The following FOXL2NB variants were observed in gnomAD, a reference collection of about 807,000 sequenced individuals.
FOXL2NB encodes FOXL2 neighbor protein.
FOXL2NB carries 10 observed loss-of-function variants against 7.4 expected under a neutral mutation model. That is an observed-to-expected ratio of 1.34 (90% CI 0.83 to 2.28). The LOEUF (loss-of-function observed/expected upper bound fraction) is 2.28, where lower values mean the gene tolerates loss of function less well. FOXL2NB is among the 30% of genes most tolerant of loss of function. The probability of loss-of-function intolerance (pLI) is 0.00; values close to 1 mark genes in which losing one functional copy is unlikely to be tolerated. For missense variants in FOXL2NB, 228 were observed against 233.9 expected, an observed-to-expected ratio of 0.97 and a Z score of 0.17; for synonymous variants, 104 against 105.3, an observed-to-expected ratio of 0.99 and a Z score of 0.08.
Position 138,952,512 on chromosome 3 carries a change from C to CTTT in FOXL2NB, c.*1951_*1953dup, listed in dbSNP as rs570190507. ...GTGTGCACTATAACTTTATGAAACACTTTTTTTTTTTTTGAGACAGGGTCT... is the reference window on the plus strand; with the variant it reads ...GTGTGCACTATAACTTTATGAAACACTTTTTTTTTTTTTTTTGAGACAGGGTCT... On this transcript the variant is annotated 3_prime_UTR_variant, in exon 3 of 3. Coordinates refer to ENST00000383165, the MANE Select transcript of FOXL2NB (RefSeq NM_001040061.3). The CTTT allele has an allele frequency of 0.11, 16,011 of 142,074 alleles. 2,190 individuals are homozygous for CTTT. Among genetic ancestry groups the CTTT allele is most frequent in the African/African-American group, 0.33 (12,587 of 37,904 alleles). 8.8% of individuals were successfully genotyped at this position (142,074 alleles called of 1,614,324 possible).
rs61408596 is a variant in FOXL2NB at position 138,949,850 on chromosome 3, T to C, written c.220+211T>C. 82,645 of 736,008 alleles carry C rather than the reference T, an allele frequency of 0.11. 12,285 individuals carry two copies. The highest frequency in any genetic ancestry group is 0.5 in the African/African-American group (28,616 of 57,652). 45.6% of individuals were successfully genotyped at this position (736,008 alleles called of 1,614,324 possible). On this transcript the variant is annotated intron_variant, in intron 2 of 2. Coordinates refer to ENST00000383165, the MANE Select transcript of FOXL2NB (RefSeq NM_001040061.3). This position sits in a 1 kb window ranked among gnomAD's most constrained non-coding sequence, Gnocchi z 4.5. ...TGATTTACTTCTCAACCTTCGGAGG[T>C]AGGCTGGTTGCTGGCGAGGTCGGGA...
Position 138,947,482 on chromosome 3 carries a change from C to A in FOXL2NB, c.100+18C>A, listed in dbSNP as rs1467993305. Reference sequence around the variant, plus strand: ...GCTTTCAGGTGAAAGAAAACGACTCCTTTGCTCTGCCGTTTGCTGCCGTCT... The same window carrying A: ...GCTTTCAGGTGAAAGAAAACGACTCATTTGCTCTGCCGTTTGCTGCCGTCT... On this transcript the variant is annotated intron_variant, in intron 1 of 2. Coordinates refer to ENST00000383165, the MANE Select transcript of FOXL2NB (RefSeq NM_001040061.3). The surrounding 1 kb of genome is among the most constrained non-coding windows in gnomAD (Gnocchi z 5.2). The A allele has an allele frequency of 6.5e-6, 10 of 1,531,022 alleles. No individual in the cohort carries two copies. The highest frequency in any genetic ancestry group is 4.2e-5 in the African/African-American group (3 of 72,182). The allele number at this position is 1,531,022 out of a possible 1,614,324, so 94.8% of individuals were successfully genotyped here.
Position 138,949,763 on chromosome 3 carries a change from TC to T in FOXL2NB, c.220+126del. 1 of 1,429,582 alleles carries T rather than the reference TC, an allele frequency of 7.0e-7. No individual in the cohort carries two copies. The allele number at this position is 1,429,582 out of a possible 1,614,324, so 88.6% of individuals were successfully genotyped here. Reference sequence around the variant, plus strand: ...AATCTAGGGAGAGAACAGAATCCTCTCCTTGCCGGCCCAGCCAGAGGTGGGT... The same window carrying T: ...AATCTAGGGAGAGAACAGAATCCTCTCTTGCCGGCCCAGCCAGAGGTGGGT... On this transcript the variant is annotated intron_variant, in intron 2 of 2. Transcript: ENST00000383165. This position sits in a 1 kb window ranked among gnomAD's most constrained non-coding sequence, Gnocchi z 4.5.
Position 138,950,438 on chromosome 3 carries a change from C to T in FOXL2NB, c.394C>T (p.Leu132=). The T allele has an allele frequency of 6.2e-7, 1 of 1,614,062 alleles. No individual in the cohort carries two copies. Among genetic ancestry groups the T allele is most frequent in the Non-Finnish European group, 8.5e-7 (1 of 1,180,038 alleles). Reference sequence around the variant, plus strand: ...GAACCAGGTTCCGCTGTCCCCTTTCCTAGCGGGACCCCGAAACACCCGGCG... The same window carrying T: ...GAACCAGGTTCCGCTGTCCCCTTTCTTAGCGGGACCCCGAAACACCCGGCG... ...CLNQVPLSPF[L]AGPRNTRRLP... is the part of the protein sequence containing the mutation. The change falls in exon 3 of 3, where the codon CTA becomes TTA. Residue 132 remains leucine, a synonymous_variant. Coordinates refer to ENST00000383165, the MANE Select transcript of FOXL2NB (RefSeq NM_001040061.3).
rs1009178653 is a variant in FOXL2NB at position 138,947,801 on chromosome 3, C to A, written c.100+337C>A. The A allele has an allele frequency of 6.5e-6, 7 of 1,078,206 alleles. No individual in the cohort carries two copies. In the East Asian group the frequency reaches 5.5e-4, roughly 84 times the overall value. The allele number at this position is 1,078,206 out of a possible 1,614,324, so 66.8% of individuals were successfully genotyped here. On this transcript the variant is annotated intron_variant, in intron 1 of 2. Transcript: ENST00000383165. The surrounding 1 kb of genome is among the most constrained non-coding windows in gnomAD (Gnocchi z 5.2). ...ACCAGGAATCCGTGTACTAATCCTA[C>A]GGGGTTGGAGTGAAGGTTGGATGTG...
chr3:138,951,994 G>C lies in FOXL2NB; in HGVS notation c.*1422G>C, dbSNP rs920712132. 6.6e-6 allele frequency: 1 copy of C among 152,232 alleles called. No individual in the cohort carries two copies. 9.4% of individuals were successfully genotyped at this position (152,232 alleles called of 1,614,324 possible). A position where few individuals can be genotyped will look rare whatever the true frequency, so the allele number is the denominator to read the frequency against. On this transcript the variant is annotated 3_prime_UTR_variant, in exon 3 of 3. Coordinates refer to ENST00000383165, the MANE Select transcript of FOXL2NB (RefSeq NM_001040061.3). ...AAAGGGACTGTAGCTGAGGAAAAGC[G>C]GTTTGATCATTGACAGCCAGCTCAG... is the stretch of plus-strand genomic sequence containing the variant.
rs1437908305 is a variant in FOXL2NB at position 138,947,362 on chromosome 3, G to C, written c.-3G>C. On this transcript the variant is annotated 5_prime_UTR_variant, in exon 1 of 3. Coordinates refer to ENST00000383165, the MANE Select transcript of FOXL2NB (RefSeq NM_001040061.3). This position sits in a 1 kb window ranked among gnomAD's most constrained non-coding sequence, Gnocchi z 5.2. Reference sequence around the variant, plus strand: ...GTACTCGCTCTGCGGGCTGGGCTGGGAGATGACGAGGACCCCGGTGGGGTC... The same window carrying C: ...GTACTCGCTCTGCGGGCTGGGCTGGCAGATGACGAGGACCCCGGTGGGGTC... 2 of 1,547,202 alleles carry C rather than the reference G, an allele frequency of 1.3e-6. No homozygotes were observed. The highest frequency in any genetic ancestry group is 3.9e-5 in the Admixed American group (2 of 50,786).
chr3:138,950,236 G>T (rs376740370), intron 2 of FOXL2NB, 29 bp from the exon 3 acceptor site: 2 of 1,607,716 alleles, frequency 1.2e-6, no homozygotes, highest in African/African-American at 1.3e-5. Flanking sequence ...CAATCTACAC[G>T]GCTCTGATAC....
chr3:138,953,142 T>C lies in FOXL2NB; in HGVS notation c.*2570T>C, dbSNP rs1936164007. The C allele has an allele frequency of 6.6e-6, 1 of 152,312 alleles. No individual in the cohort carries two copies. Among genetic ancestry groups the C allele is most frequent in the South Asian group, 2.1e-4 (1 of 4,820 alleles). The allele number at this position is 152,312 out of a possible 1,614,324, so 9.4% of individuals were successfully genotyped here. A position where few individuals can be genotyped will look rare whatever the true frequency, so the allele number is the denominator to read the frequency against. On this transcript the variant is annotated 3_prime_UTR_variant, in exon 3 of 3. Transcript: ENST00000383165. ...GATTCTCCTGCCTGAACCTCCTGTGTAGCTGGGACTACAGGCATGCACCAC... is the reference window on the plus strand; with the variant it reads ...GATTCTCCTGCCTGAACCTCCTGTGCAGCTGGGACTACAGGCATGCACCAC...
Position 138,947,285 on chromosome 3 carries a change from A to G in FOXL2NB, c.-80A>G, listed in dbSNP as rs1287571286. The G allele has an allele frequency of 8.7e-7, 1 of 1,146,416 alleles. No homozygotes were observed. The highest frequency in any genetic ancestry group is 1.6e-5 in the African/African-American group (1 of 63,306). The allele number at this position is 1,146,416 out of a possible 1,614,324, so 71.0% of individuals were successfully genotyped here. A position where few individuals can be genotyped will look rare whatever the true frequency, so the allele number is the denominator to read the frequency against. On this transcript the variant is annotated 5_prime_UTR_variant, in exon 1 of 3. Coordinates refer to ENST00000383165, the MANE Select transcript of FOXL2NB (RefSeq NM_001040061.3). This position sits in a 1 kb window ranked among gnomAD's most constrained non-coding sequence, Gnocchi z 5.2. ...TGGACCGGCCTGCCCCCGCCCAGCGAGCCTCAGGGGCCCAGCCGACAGCCA... is the reference window on the plus strand; with the variant it reads ...TGGACCGGCCTGCCCCCGCCCAGCGGGCCTCAGGGGCCCAGCCGACAGCCA...
chr3:138,950,273 A>T lies in FOXL2NB; in HGVS notation c.229A>T (p.Ile77Phe). 1.2e-6 allele frequency: 2 copies of T among 1,603,766 alleles called. No individual in the cohort carries two copies. The highest frequency in any genetic ancestry group is 1.7e-6 in the Non-Finnish European group (2 of 1,177,134). The part of the protein sequence containing the change: ...HSKAQKTGPG[I>F]LQQRQKPPAP... The stretch of plus-strand genomic sequence containing the variant: ...GACGCTTTTCTCCCCAGGGCCGGGA[A>T]TCCTGCAACAGCGGCAGAAGCCGCC... Residue 77 changes from isoleucine to phenylalanine, a missense_variant, in exon 3 of 3, where the codon ATC becomes TTC. By Grantham distance (21) the Ile-to-Phe change is conservative. Transcript: ENST00000383165.
In FOXL2NB at chr3:138,952,054, A is replaced by G. The variant is rs1258668731; in HGVS notation, c.*1482A>G. On this transcript the variant is annotated 3_prime_UTR_variant, in exon 3 of 3. Coordinates refer to ENST00000383165, the MANE Select transcript of FOXL2NB (RefSeq NM_001040061.3). ...GTTCTTTGCCATTTGGGGTTATTAT[A>G]GCTGCATGGCCATGGTGCTGAACCT... 6.6e-6 allele frequency: 1 copy of G among 152,240 alleles called. No individual in the cohort carries two copies. The highest frequency in any genetic ancestry group is 1.5e-5 in the Non-Finnish European group (1 of 68,054). The allele number at this position is 152,240 out of a possible 1,614,324, so 9.4% of individuals were successfully genotyped here.
At position 138,947,630 on chromosome 3, in the gene FOXL2NB, A is replaced by C; in HGVS notation, c.100+166A>C. On this transcript the variant is annotated intron_variant, in intron 1 of 2. Transcript: ENST00000383165. This position sits in a 1 kb window ranked among gnomAD's most constrained non-coding sequence, Gnocchi z 5.2. The stretch of plus-strand genomic sequence containing the variant: ...TCAGCCCAGAAACGGGTGTGACTGT[A>C]CGAAGAAGCCTCGGCCTGGCCTGTC... 7.2e-7 allele frequency: 1 copy of C among 1,392,578 alleles called. No homozygotes were observed. Among genetic ancestry groups the C allele is most frequent in the Non-Finnish European group, 9.3e-7 (1 of 1,076,004 alleles). 86.3% of individuals were successfully genotyped at this position (1,392,578 alleles called of 1,614,324 possible).
Position 138,947,806 on chromosome 3 carries a change from T to C in FOXL2NB, c.100+342T>C. The C allele has an allele frequency of 9.4e-7, 1 of 1,069,308 alleles. No individual in the cohort carries two copies. Among genetic ancestry groups the C allele is most frequent in the South Asian group, 3.3e-5 (1 of 30,202 alleles). The allele number at this position is 1,069,308 out of a possible 1,614,324, so 66.2% of individuals were successfully genotyped here. On this transcript the variant is annotated intron_variant, in intron 1 of 2. Coordinates refer to ENST00000383165, the MANE Select transcript of FOXL2NB (RefSeq NM_001040061.3). This position sits in a 1 kb window ranked among gnomAD's most constrained non-coding sequence, Gnocchi z 5.2. ...GAATCCGTGTACTAATCCTACGGGG[T>C]TGGAGTGAAGGTTGGATGTGTGCTT...
In FOXL2NB at chr3:138,949,414, GTGTA is replaced by G; in HGVS notation, c.101-105_101-102del. ...TGCGTGTGTGTGTGTGTGTGTGTGT[GTGTA>G]GGGGTTGGGGGCAAATGAAGGAGTT... On this transcript the variant is annotated intron_variant, in intron 1 of 2. Transcript: ENST00000383165. This position sits in a 1 kb window ranked among gnomAD's most constrained non-coding sequence, Gnocchi z 4.5. 1 of 1,224,518 alleles carries G rather than the reference GTGTA, an allele frequency of 8.2e-7. No individual in the cohort carries two copies. Among genetic ancestry groups the G allele is most frequent in the Non-Finnish European group, 1.2e-6 (1 of 865,914 alleles). 75.9% of individuals were successfully genotyped at this position (1,224,518 alleles called of 1,614,324 possible). A position where few individuals can be genotyped will look rare whatever the true frequency, so the allele number is the denominator to read the frequency against.
At position 138,947,263 on chromosome 3, in the gene FOXL2NB, A is replaced by G. The variant is rs1006153831; in HGVS notation, c.-102A>G. 138 of 914,620 alleles carry G rather than the reference A, an allele frequency of 1.5e-4. No individual in the cohort carries two copies. The highest frequency in any genetic ancestry group is 2.2e-4 in the Non-Finnish European group (130 of 601,020). 56.7% of individuals were successfully genotyped at this position (914,620 alleles called of 1,614,324 possible). ...TTTGTAAACGCCCCGCACAGCCTGG[A>G]CCGGCCTGCCCCCGCCCAGCGAGCC... On this transcript the variant is annotated 5_prime_UTR_variant, in exon 1 of 3. Coordinates refer to ENST00000383165, the MANE Select transcript of FOXL2NB (RefSeq NM_001040061.3). This position sits in a 1 kb window ranked among gnomAD's most constrained non-coding sequence, Gnocchi z 5.2.
chr3:138,950,689 T>C lies in FOXL2NB; in HGVS notation c.*117T>C. ...TCGGTGTCCCTCCACTCAGGTCACG[T>C]TACTCCATCCACTTCTCTCTCCTTC... is the stretch of plus-strand genomic sequence containing the variant. On this transcript the variant is annotated 3_prime_UTR_variant, in exon 3 of 3. Coordinates refer to ENST00000383165, the MANE Select transcript of FOXL2NB (RefSeq NM_001040061.3). 9.3e-7 allele frequency: 1 copy of C among 1,070,612 alleles called. No homozygotes were observed. Among genetic ancestry groups the C allele is most frequent in the South Asian group, 1.4e-5 (1 of 70,668 alleles). The allele number at this position is 1,070,612 out of a possible 1,614,324, so 66.3% of individuals were successfully genotyped here. A position where few individuals can be genotyped will look rare whatever the true frequency, so the allele number is the denominator to read the frequency against.
rs1039587493 is a variant in FOXL2NB at position 138,952,036 on chromosome 3, G to A, written c.*1464G>A. On this transcript the variant is annotated 3_prime_UTR_variant, in exon 3 of 3. Coordinates refer to ENST00000383165, the MANE Select transcript of FOXL2NB (RefSeq NM_001040061.3). ...CCAGCTCAGGATCTGAGAGTTCTTTGCCATTTGGGGTTATTATAGCTGCAT... is the reference window on the plus strand; with the variant it reads ...CCAGCTCAGGATCTGAGAGTTCTTTACCATTTGGGGTTATTATAGCTGCAT... The A allele has an allele frequency of 1.3e-5, 2 of 152,226 alleles. No homozygotes were observed. Among genetic ancestry groups the A allele is most frequent in the African/African-American group, 4.8e-5 (2 of 41,460 alleles). The allele number at this position is 152,226 out of a possible 1,614,324, so 9.4% of individuals were successfully genotyped here.
At position 138,950,599 on chromosome 3, in the gene FOXL2NB, A is replaced by T; in HGVS notation, c.*27A>T. On this transcript the variant is annotated 3_prime_UTR_variant, in exon 3 of 3. Transcript: ENST00000383165. ...ACATCCCCATACACTCCACGCCTCAACAACTGTCAGCACTCACTCCCTCCC... is the reference window on the plus strand; with the variant it reads ...ACATCCCCATACACTCCACGCCTCATCAACTGTCAGCACTCACTCCCTCCC... The T allele has an allele frequency of 6.2e-7, 1 of 1,610,066 alleles. No homozygotes were observed. Among genetic ancestry groups the T allele is most frequent in the Non-Finnish European group, 8.5e-7 (1 of 1,178,912 alleles).
Sources: gnomAD v4.1 joint callset for allele counts on GRCh38, gnomAD v4.1.1 for gene constraint, Gnocchi (gnomAD v3.1) non-coding constraint, MANE v1.5 for transcripts, NCBI Gene and HGNC (gene_info 2026-07-23, HGNC 2026-07-21) for gene names.